Variants in UGGT2 observed in about 807,000 individuals in gnomAD.
UGGT2 encodes UDP-glucose glycoprotein glucosyltransferase 2, also known as UDP-glucose:glycoprotein glucosyltransferase 2.
A neutral mutation model predicts 192.1 loss-of-function variants in UGGT2; 180 were observed. That is an observed-to-expected ratio of 0.94 (90% CI 0.83 to 1.06). The LOEUF (loss-of-function observed/expected upper bound fraction) is 1.06, where lower values mean the gene tolerates loss of function less well. UGGT2 is among the 50% of genes least tolerant of loss of function. The pLI is 0.00. For missense variants in UGGT2, 1,849 were observed against 1,795.7 expected, an observed-to-expected ratio of 1.03 and a Z score of -0.54; for synonymous variants, 580 against 591.0, an observed-to-expected ratio of 0.98 and a Z score of 0.27.
At chr13:95,957,958 C>T (rs1189232835) in intron 12 of UGGT2, among the ~76,000 whole-genome samples, 1 of 152,044 alleles carries the variant, frequency 6.6e-6, no homozygotes, top group Non-Finnish European at 1.5e-5. Context: ...TAAAATCTAG[C>T]CAATGAAAGA....
intron 38 of UGGT2, among the ~76,000 whole-genome samples, chr13:95,812,480 T>C (rs1177135359): frequency 2.0e-5 from 3 of 152,148 alleles, no homozygotes; most frequent in African/African-American, 7.2e-5. Flanking sequence ...AAATACACTA[T>C]GCAAACATTA....
rs2052800079 is a variant in UGGT2, at chr13:96,030,441, T to G, written c.241+1448A>C. On this transcript the variant is annotated intron_variant, in intron 2 of 38. Coordinates refer to ENST00000376747, the MANE Select transcript of UGGT2 (RefSeq NM_020121.4). ...TAAAAAGCTTTTTCAGGAAAAAATTTTGAAAGGAAAAATTATTTGCTTTTG... is the reference window on the plus strand; with the variant it reads ...TAAAAAGCTTTTTCAGGAAAAAATTGTGAAAGGAAAAATTATTTGCTTTTG... 2.0e-5 allele frequency among the ~76,000 whole-genome samples: 3 copies of G among 152,212 alleles called. No homozygotes were observed. The South Asian group carries it at 6.2e-4, about 31-fold the overall frequency.
Position 95,972,681 on chromosome 13 carries a change from G to A in UGGT2, c.1093-10C>T. ...ATCTAACTTGAAGATCCTTGAAGTA[G>A]AGCAAAGCAATAGTTAACCAGTGAT... On this transcript the variant is annotated splice_polypyrimidine_tract_variant and intron_variant, in intron 10 of 38. Coordinates refer to ENST00000376747, the MANE Select transcript of UGGT2 (RefSeq NM_020121.4). The A allele has an allele frequency of 6.2e-7, 1 of 1,602,632 alleles. No individual in the cohort carries two copies. Among genetic ancestry groups the A allele is most frequent in the Non-Finnish European group, 8.5e-7 (1 of 1,170,192 alleles).
intron 20 of UGGT2, among the ~76,000 whole-genome samples, chr13:95,912,518 T>C (rs2048535952): frequency 6.6e-6 from 1 of 152,164 alleles, no homozygotes; most frequent in Non-Finnish European, 1.5e-5. Flanking sequence ...TACCTAGTAA[T>C]CCAACTTACA....
chr13:96,036,695 C>T (rs1255195522), intron 1 of UGGT2, among the ~76,000 whole-genome samples: 1 of 152,180 alleles, frequency 6.6e-6, no homozygotes, highest in Non-Finnish European at 1.5e-5. Flanking sequence ...GAAGAGCAAA[C>T]ATCCTTGAGA....
intron 7 of UGGT2, chr13:95,995,262 AT>A (rs2140913208): frequency 6.6e-6 from 1 of 152,244 alleles, no homozygotes; most frequent in South Asian, 2.1e-4. Flanking sequence ...GCCAATAAAC[AT>A]GAAAAAAAGT....
At chr13:95,988,456 G>C (rs952834784) in intron 8 of UGGT2, among the ~76,000 whole-genome samples, 1 of 152,128 alleles carries the variant, frequency 6.6e-6, no homozygotes, top group East Asian at 1.9e-4. Flanking sequence ...CACAAGGGCT[G>C]TGGTATAATA....
chr13:96,026,487 T>C (rs1005499700), intron 2 of UGGT2, among the ~76,000 whole-genome samples: 1 of 152,022 alleles, frequency 6.6e-6, no homozygotes, highest in Non-Finnish European at 1.5e-5. Context: ...TTTTCTATCA[T>C]AGTTTTTCAA....
chr13:95,972,721 C>CCCTAA, intron 10 of UGGT2, 50 bp from the exon 11 acceptor site: 7 of 1,378,224 alleles, frequency 5.1e-6, no homozygotes, highest in Non-Finnish European at 7.2e-6. Flanking sequence ...CAATAGTGAC[C>CCCTAA]TATATTAGGG....
At chr13:95,997,941 T>C (rs1055367571) in intron 6 of UGGT2, among the ~76,000 whole-genome samples, 1 of 152,200 alleles carries the variant, frequency 6.6e-6, no homozygotes, top group African/African-American at 2.4e-5. Flanking sequence ...AGAGAGGTTA[T>C]AGGGAGCCAC....
chr13:95,984,748 A>T (rs2051237858), intron 9 of UGGT2, among the ~76,000 whole-genome samples: 1 of 152,202 alleles, frequency 6.6e-6, no homozygotes. Context: ...TAGCTTTTAC[A>T]AATTTTATAA....
intron 38 of UGGT2, among the ~76,000 whole-genome samples, chr13:95,822,108 G>C (rs921840976): frequency 2.0e-5 from 3 of 151,992 alleles, no homozygotes; most frequent in Non-Finnish European, 4.4e-5. Context: ...AAAATGATAG[G>C]GTATTTGGAT....
chr13:95,883,511 T>C (rs1440780760), intron 27 of UGGT2, among the ~76,000 whole-genome samples: 2 of 152,074 alleles, frequency 1.3e-5, no homozygotes, highest in Non-Finnish European at 2.9e-5. Context: ...AGGGGCCTGG[T>C]GGGAGGTGAT....
At chr13:95,909,768 A>G (rs1244422698) in intron 20 of UGGT2, among the ~76,000 whole-genome samples, 1 of 139,796 alleles carries the variant, frequency 7.2e-6, no homozygotes, top group Non-Finnish European at 1.6e-5. Flanking sequence ...TAATAATAAT[A>G]ATAATAATAA....
In UGGT2 at chr13:95,927,133, A is replaced by C; in HGVS notation, c.2102-7T>G. 6.2e-7 allele frequency: 1 copy of C among 1,607,590 alleles called. No individual in the cohort carries two copies. The highest frequency in any genetic ancestry group is 8.5e-7 in the Non-Finnish European group (1 of 1,178,248). ...TCTTCAACATCAGCAGTTACTGAAA[A>C]ATTTCAAATTAAACGTTAAATATAA... On this transcript the variant is annotated splice_polypyrimidine_tract_variant and splice_region_variant and intron_variant, in intron 18 of 38. Coordinates refer to ENST00000376747, the MANE Select transcript of UGGT2 (RefSeq NM_020121.4).
intron 16 of UGGT2, among the ~76,000 whole-genome samples, chr13:95,938,428 GTAC>G (rs1222678772): frequency 6.6e-6 from 1 of 152,134 alleles, no homozygotes; most frequent in Non-Finnish European, 1.5e-5. Context: ...AGGAAGCCAA[GTAC>G]TACTATTACA....
At chr13:96,007,268 C>T (rs754073684) in intron 5 of UGGT2, among the ~76,000 whole-genome samples, 1 of 152,096 alleles carries the variant, frequency 6.6e-6, no homozygotes, top group South Asian at 2.1e-4. Flanking sequence ...AGTCCCTCCC[C>T]CCCAACAAAC....
In UGGT2 at chr13:95,860,876, C is replaced by A; in HGVS notation, c.3652G>T (p.Val1218Leu). Residue 1218 changes from valine to leucine, a missense_variant, in exon 32 of 39, where the codon GTA (valine) becomes TTA (leucine). Coordinates refer to ENST00000376747, the MANE Select transcript of UGGT2 (RefSeq NM_020121.4). ...TTTTTGTTTTCTTTATGCAAGCTTA[C>A]TGTGAAACTTGGAATAAAAAAGTAA... ...GLWDSIKSFT[V>L]SLHKENKKEK... 2 of 1,551,456 alleles carry A rather than the reference C, an allele frequency of 1.3e-6. No homozygotes were observed. The highest frequency in any genetic ancestry group is 1.7e-6 in the Non-Finnish European group (2 of 1,150,764).
intron 37 of UGGT2, among the ~76,000 whole-genome samples, chr13:95,834,270 T>C (rs1286850391): frequency 6.6e-6 from 1 of 152,118 alleles, no homozygotes; most frequent in African/African-American, 2.4e-5. Context: ...CTATAAGCTT[T>C]ATTAGTGTTT....
Sources: allele counts gnomAD v4.1 joint callset (sites outside exome capture counted in the v4.1 genomes callset), GRCh38; gene constraint gnomAD v4.1.1; transcripts MANE v1.5; gene names NCBI Gene and HGNC (gene_info 2026-07-23, HGNC 2026-07-21).